Variants in ASCC3 observed in about 807,000 individuals in gnomAD.
The protein encoded by ASCC3 is activating signal cointegrator 1 complex subunit 3, also known as ASC-1 complex subunit P200.
In ASCC3, 158 loss-of-function variants were observed where a neutral mutation model predicts 256.3. The ratio of observed to expected loss-of-function variants is 0.62; its 90% confidence interval spans 0.54 to 0.70. The LOEUF (loss-of-function observed/expected upper bound fraction) is 0.70, where lower values mean the gene tolerates loss of function less well. Among genes scored for constraint, ASCC3 ranks in the 30% least tolerant of loss-of-function variants. ASCC3 has a pLI of 0.00. For synonymous variants in ASCC3, 948 were observed against 883.4 expected (o/e 1.07, Z -1.30); for missense variants, 2,259 against 2,626.0 (o/e 0.86, Z 3.05).
chr6:100,647,585 T>A (rs572596852), intron 20 of ASCC3, 134 bp from the exon 21 acceptor site: 2 of 749,152 alleles, frequency 2.7e-6, no homozygotes, highest in East Asian at 5.4e-5. Flanking sequence ...GCAATATCTT[T>A]TCTCATATAA....
At chr6:100,556,076 G>T (rs925039891) in intron 36 of ASCC3, among the ~76,000 whole-genome samples, 1 of 152,114 alleles carries the variant, frequency 6.6e-6, no homozygotes, top group African/African-American at 2.4e-5. Flanking sequence ...TTTATTAGAA[G>T]TGACTTTCTT....
intron 4 of ASCC3, among the ~76,000 whole-genome samples, chr6:100,836,330 G>C (rs1771873128): frequency 1.3e-5 from 2 of 151,958 alleles, no homozygotes; most frequent in Non-Finnish European, 2.9e-5. Context: ...TCTTATTCCA[G>C]ATCTTAAAAG....
chr6:100,831,846 G>A (rs1771633818), intron 4 of ASCC3, among the ~76,000 whole-genome samples: 1 of 151,962 alleles, frequency 6.6e-6, no homozygotes, highest in African/African-American at 2.4e-5. Flanking sequence ...AGATAAAGCA[G>A]TTGCTTTATT....
chr6:100,539,868 GT>G (rs10706925), intron 37 of ASCC3, among the ~76,000 whole-genome samples: 2,688 of 152,110 alleles, frequency 0.018, 74 homozygotes, highest in African/African-American at 0.062. Context: ...GTGAAAGTCC[GT>G]TAACAGAAGG....
At chr6:100,805,914 T>C in intron 4 of ASCC3, 34 bp from the exon 5 acceptor site, 1 of 1,599,448 alleles carries the variant, frequency 6.3e-7, no homozygotes, top group East Asian at 2.2e-5. Flanking sequence ...CAAACATCAG[T>C]TATCTCAAAG....
intron 36 of ASCC3, among the ~76,000 whole-genome samples, chr6:100,570,081 T>C (rs540593607): frequency 6.6e-6 from 1 of 152,314 alleles, no homozygotes; most frequent in South Asian, 2.1e-4. Context: ...GGCTCTCAGA[T>C]TGAACATTAT....
rs80317378 is a variant in ASCC3, at chr6:100,599,748, G to A, written c.5303+2062C>T. On this transcript the variant is annotated intron_variant, in intron 34 of 41. Transcript: ENST00000369162. ...CAGTAAGGAACTACAATTTGCTAAA[G>A]TACTAAATTGGCCTCAGAGAATTAT... Among the ~76,000 whole-genome samples, 714 of 151,944 alleles carry A rather than the reference G, an allele frequency of 4.7e-3. 7 individuals carry two copies. The highest frequency in any genetic ancestry group is 0.016 in the African/African-American group (677 of 41,432).
At position 100,799,413 on chromosome 6, in the gene ASCC3, T is replaced by G; in HGVS notation, c.1269+18A>C. On this transcript the variant is annotated intron_variant, in intron 7 of 41. Coordinates refer to ENST00000369162, the MANE Select transcript of ASCC3 (RefSeq NM_006828.4). ...AATAGACATATTATTGAACAGTAGTTATATAACAATGACATACCTTTGCAC... is the reference window on the plus strand; with the variant it reads ...AATAGACATATTATTGAACAGTAGTGATATAACAATGACATACCTTTGCAC... 6.2e-7 allele frequency: 1 copy of G among 1,610,476 alleles called. No individual in the cohort carries two copies. The highest frequency in any genetic ancestry group is 1.7e-4 in the Middle Eastern group (1 of 6,052).
intron 36 of ASCC3, among the ~76,000 whole-genome samples, chr6:100,549,271 T>G (rs1769173832): frequency 6.6e-6 from 1 of 152,012 alleles, no homozygotes; most frequent in Non-Finnish European, 1.5e-5. Flanking sequence ...ACATTCTGTT[T>G]AACTGAATTG....
intron 39 of ASCC3, 115 bp from the exon 40 acceptor site, chr6:100,513,033 C>T: frequency 1.1e-6 from 1 of 914,864 alleles, no homozygotes; most frequent in Non-Finnish European, 1.7e-6. Context: ...GAGATTAATT[C>T]TAGATCCAAT....
At chr6:100,656,402 T>G (rs566312305) in intron 16 of ASCC3, among the ~76,000 whole-genome samples, 2 of 151,802 alleles carry the variant, frequency 1.3e-5, no homozygotes, top group South Asian at 4.1e-4. Context: ...CAGATTTTGT[T>G]GTGATTTATA....
intron 36 of ASCC3, among the ~76,000 whole-genome samples, chr6:100,570,160 G>A (rs1041884357): frequency 1.3e-5 from 2 of 152,122 alleles, no homozygotes; most frequent in Non-Finnish European, 2.9e-5. Flanking sequence ...AAAATCATTT[G>A]TTGGTTTTAA....
intron 30 of ASCC3, among the ~76,000 whole-genome samples, chr6:100,617,785 T>C (rs1483984298): frequency 1.3e-5 from 2 of 152,210 alleles, no homozygotes; most frequent in African/African-American, 2.4e-5. Context: ...TGGCATCACA[T>C]TCTCAGTGAC....
intron 39 of ASCC3, among the ~76,000 whole-genome samples, chr6:100,514,936 G>T (rs1410765153): frequency 6.6e-6 from 1 of 152,072 alleles, no homozygotes. Flanking sequence ...ACCTGGGATC[G>T]CCTCACTGCA....
At chr6:100,872,203 G>A (rs1452520502) in intron 1 of ASCC3, among the ~76,000 whole-genome samples, 1 of 152,130 alleles carries the variant, frequency 6.6e-6, no homozygotes, top group African/African-American at 2.4e-5. Context: ...ACAAATTAAT[G>A]GGGTACTTGG....
intron 10 of ASCC3, among the ~76,000 whole-genome samples, chr6:100,744,524 C>A (rs1780577565): frequency 6.6e-6 from 1 of 152,098 alleles, no homozygotes; most frequent in African/African-American, 2.4e-5. Context: ...TATGAAATGA[C>A]AAACTAATAA....
At chr6:100,731,931 G>A (rs1036496529) in intron 10 of ASCC3, among the ~76,000 whole-genome samples, 1 of 152,146 alleles carries the variant, frequency 6.6e-6, no homozygotes, top group African/African-American at 2.4e-5. Context: ...GGAGGCCAAG[G>A]TGGGCAGATA....
At chr6:100,660,059 A>T (rs1415331701) in intron 16 of ASCC3, among the ~76,000 whole-genome samples, 1 of 151,556 alleles carries the variant, frequency 6.6e-6, no homozygotes, top group Non-Finnish European at 1.5e-5. Context: ...AGTCAGAAAA[A>T]TTATGGCTAC....
At chr6:100,594,836 C>T (rs1326971773) in intron 34 of ASCC3, among the ~76,000 whole-genome samples, 2 of 151,872 alleles carry the variant, frequency 1.3e-5, no homozygotes, top group Admixed American at 6.6e-5. Context: ...TGTATATATA[C>T]ACAATGGAAT....
Sources: gnomAD v4.1 joint callset for allele counts (sites outside exome capture counted in the v4.1 genomes callset) on GRCh38, gnomAD v4.1.1 for gene constraint, MANE v1.5 for transcripts, NCBI Gene and HGNC (gene_info 2026-07-23, HGNC 2026-07-21) for gene names.